Variants in COL21A1 observed in about 807,000 individuals in gnomAD.
COL21A1 encodes collagen alpha-1(XXI) chain.
COL21A1 carries 149 observed loss-of-function variants against 137.9 expected under a neutral mutation model. That is an observed-to-expected ratio of 1.08 (90% CI 0.95 to 1.24). The LOEUF (loss-of-function observed/expected upper bound fraction) is 1.24. COL21A1 is among the 50% of genes most tolerant of loss of function. The probability of loss-of-function intolerance (pLI) is 0.00; values close to 1 mark genes in which losing one functional copy is unlikely to be tolerated. For missense variants in COL21A1, 1,167 were observed against 1,158.4 expected (o/e 1.01, Z -0.11); for synonymous variants, 456 against 391.5 (o/e 1.16, Z -1.95).
chr6:56,312,728 A>T (rs1398780728), intron 1 of COL21A1, among the ~76,000 whole-genome samples: 2 of 148,208 alleles, frequency 1.3e-5, no homozygotes, highest in African/African-American at 4.9e-5. Flanking sequence ...AAAAGAAAAC[A>T]TTATAAGACA....
At chr6:56,227,981 G>GA (rs1781317925) in intron 1 of COL21A1, among the ~76,000 whole-genome samples, 1 of 151,898 alleles carries the variant, frequency 6.6e-6, no homozygotes, top group East Asian at 1.9e-4. Flanking sequence ...GATAGTACCT[G>GA]AAAATGCTTA....
chr6:56,124,355 A>G, intron 14 of COL21A1, 63 bp from the exon 15 acceptor site: 1 of 1,441,330 alleles, frequency 6.9e-7, no homozygotes, highest in South Asian at 1.2e-5. Context: ...TTCCAACCAA[A>G]ACTTAAATAG....
intron 1 of COL21A1, among the ~76,000 whole-genome samples, chr6:56,386,598 T>C (rs1554186991): frequency 7.2e-5 from 11 of 151,868 alleles, no homozygotes; most frequent in Admixed American, 1.3e-4. Context: ...CTTGTTGTTG[T>C]TGTTTTTTTT....
intron 1 of COL21A1, among the ~76,000 whole-genome samples, chr6:56,359,125 A>G (rs1765906184): frequency 1.3e-5 from 2 of 152,380 alleles, no homozygotes; most frequent in Admixed American, 1.3e-4. Context: ...ATCATAAAAT[A>G]CATCAGATCA....
At chr6:56,200,155 T>C (rs922764111) in intron 1 of COL21A1, among the ~76,000 whole-genome samples, 6 of 152,150 alleles carry the variant, frequency 3.9e-5, no homozygotes, top group Non-Finnish European at 5.9e-5. Flanking sequence ...GAAAGGTCAG[T>C]GAGTCATGCA....
chr6:56,128,888 C>T (rs1012864905), intron 12 of COL21A1, among the ~76,000 whole-genome samples: 2 of 152,156 alleles, frequency 1.3e-5, no homozygotes, highest in African/African-American at 4.8e-5. Flanking sequence ...CTCCTGACCT[C>T]AGGTGATCTA....
chr6:56,210,415 G>A (rs1780085815), intron 1 of COL21A1, among the ~76,000 whole-genome samples: 1 of 151,996 alleles, frequency 6.6e-6, no homozygotes, highest in African/African-American at 2.4e-5. Context: ...ATATTTCAAG[G>A]TAATAAAACA....
intron 1 of COL21A1, among the ~76,000 whole-genome samples, chr6:56,201,948 A>T (rs537137575): frequency 1.3e-5 from 2 of 152,124 alleles, no homozygotes; most frequent in Non-Finnish European, 2.9e-5. Flanking sequence ...CTCTTCCCTC[A>T]GTTACTGAAT....
intron 1 of COL21A1, among the ~76,000 whole-genome samples, chr6:56,224,195 A>T (rs1048390047): frequency 6.6e-5 from 10 of 152,102 alleles, no homozygotes; most frequent in African/African-American, 2.4e-4. Flanking sequence ...GGAAAAAGCA[A>T]CCAATGCAAA....
chr6:56,122,387 A>G (rs1405997954), intron 16 of COL21A1, among the ~76,000 whole-genome samples: 9 of 150,588 alleles, frequency 6.0e-5, no homozygotes, highest in African/African-American at 2.2e-4. Flanking sequence ...ATCTCGGCTC[A>G]CTGCAAGCTC....
intron 1 of COL21A1, among the ~76,000 whole-genome samples, chr6:56,382,969 G>T (rs2094011275): frequency 6.6e-6 from 1 of 152,068 alleles, no homozygotes; most frequent in African/African-American, 2.4e-5. Context: ...TACCTCAACA[G>T]TACTCACAGT....
At chr6:56,251,002 G>GATAA (rs1322130722), upstream of COL21A1, among the ~76,000 whole-genome samples, 2 of 152,034 alleles carry the variant, frequency 1.3e-5, no homozygotes, top group Non-Finnish European at 2.9e-5. Context: ...CTCAATAACA[G>GATAA]ATATTTAAGT....
chr6:56,077,136 C>T (rs903555033), intron 18 of COL21A1, among the ~76,000 whole-genome samples: 3 of 151,096 alleles, frequency 2.0e-5, no homozygotes, highest in Non-Finnish European at 3.0e-5. Context: ...ACAAAACTGT[C>T]CTTCAAAACA....
chr6:56,371,882 A>C (rs2152350287), intron 1 of COL21A1, among the ~76,000 whole-genome samples: 1 of 152,246 alleles, frequency 6.6e-6, no homozygotes, highest in African/African-American at 2.4e-5. Context: ...GACAAGCAGA[A>C]AGGAGTTTCC....
intron 1 of COL21A1, among the ~76,000 whole-genome samples, chr6:56,336,256 A>T (rs1368370788): frequency 4.6e-5 from 7 of 152,200 alleles, no homozygotes; most frequent in Non-Finnish European, 7.3e-5. Context: ...GGTGATTCTG[A>T]TTCAGCTTAA....
intron 1 of COL21A1, among the ~76,000 whole-genome samples, chr6:56,220,522 C>T (rs116753825): frequency 0.018 from 2,756 of 152,138 alleles, 47 homozygotes; most frequent in Non-Finnish European, 0.029. Context: ...TTATGTTTTA[C>T]GAAAACTTTA....
intron 1 of COL21A1, among the ~76,000 whole-genome samples, chr6:56,303,201 T>C (rs1237563816): frequency 6.6e-6 from 1 of 152,236 alleles, no homozygotes; most frequent in Non-Finnish European, 1.5e-5. Flanking sequence ...TAGGATTGAC[T>C]TGGCAATGTG....
chr6:56,248,560 A>C (rs951456195), upstream of COL21A1, among the ~76,000 whole-genome samples: 1 of 152,206 alleles, frequency 6.6e-6, no homozygotes, highest in African/African-American at 2.4e-5. Flanking sequence ...ATGCTCTATG[A>C]GGGCAGGAAA....
At position 56,069,061 on chromosome 6, in the gene COL21A1, C is replaced by A; in HGVS notation, c.2076G>T (p.Gly692=). Residue 692 remains glycine (G), a synonymous_variant, in exon 22 of 30, where the codon GGG becomes GGT. Coordinates refer to ENST00000244728, the MANE Select transcript of COL21A1 (RefSeq NM_030820.4). ...CAATGCATACCTTTTTTCCTTGAATCCCGGGTAAACCCATGTATCCTGGTT... is the reference window on the plus strand; with the variant it reads ...CAATGCATACCTTTTTTCCTTGAATACCGGGTAAACCCATGTATCCTGGTT... ...PGEPGYMGLP[G]IQGKKGDKGN... 2 of 1,600,534 alleles carry A rather than the reference C, an allele frequency of 1.2e-6. No individual in the cohort carries two copies. Among genetic ancestry groups the A allele is most frequent in the South Asian group, 1.1e-5 (1 of 88,872 alleles).
Sources: gnomAD v4.1 joint callset for allele counts (sites outside exome capture counted in the v4.1 genomes callset) on GRCh38, gnomAD v4.1.1 for gene constraint, MANE v1.5 for transcripts, NCBI Gene and HGNC (gene_info 2026-07-23, HGNC 2026-07-21) for gene names.